Variants in ARHGEF7 observed in about 807,000 individuals in gnomAD.
ARHGEF7 encodes PAK-interacting exchange factor beta.
ARHGEF7 carries 33 observed loss-of-function variants against 109.8 expected under a neutral mutation model. That is an observed-to-expected ratio of 0.30 (90% CI 0.23 to 0.40). ARHGEF7 has a LOEUF of 0.40. Ranked by LOEUF, ARHGEF7 falls within the 10% of genes least tolerant of loss-of-function variation. ARHGEF7 has a pLI of 1.00. For missense variants in ARHGEF7, 938 were observed against 1,098.5 expected, an observed-to-expected ratio of 0.85 and a Z score of 2.07; for synonymous variants, 458 against 424.6, an observed-to-expected ratio of 1.08 and a Z score of -0.97.
rs527384552 is a variant in ARHGEF7, at chr13:111,304,479, T to C, written c.*1366T>C. The C allele has an allele frequency of 4.6e-5, 7 of 152,192 alleles. No homozygotes were observed. In the South Asian group the frequency reaches 1.5e-3, roughly 32 times the overall value. The allele number at this position is 152,192 out of a possible 1,614,324, so 9.4% of individuals were successfully genotyped here. A position where few individuals can be genotyped will look rare whatever the true frequency, so the allele number is the denominator to read the frequency against. ...AGTGTTCTATCTTTAAAAACCCAAA[T>C]TGCAGCACCGTGGATTACTGGTCTC... On this transcript the variant is annotated 3_prime_UTR_variant, in exon 22 of 22. Transcript: ENST00000646102.
intron 8 of ARHGEF7, among the ~76,000 whole-genome samples, chr13:111,257,030 T>G (rs1457216986): frequency 3.9e-5 from 6 of 152,222 alleles, no homozygotes; most frequent in Non-Finnish European, 8.8e-5. Flanking sequence ...TCCAAAGTTG[T>G]AATAATCTAC....
At chr13:111,274,645 A>G (rs1167406852) in intron 10 of ARHGEF7, 86 bp from the exon 11 acceptor site, 3 of 696,582 alleles carry the variant, frequency 4.3e-6, no homozygotes, top group Middle Eastern at 5.2e-4. Context: ...AAGTGTTAGA[A>G]AAGTTTCAAG....
chr13:111,221,493 A>ATATATATCTATATATATAGATATATATC (rs2084221670), intron 5 of ARHGEF7, among the ~76,000 whole-genome samples: 1 of 43,588 alleles, frequency 2.3e-5, no homozygotes, highest in Non-Finnish European at 4.7e-5. Flanking sequence ...ATATATAGAC[A>ATATATATCTATATATATAGATATATATC]TATATATATC....
At chr13:111,220,207 A>G (rs1003106479) in intron 5 of ARHGEF7, among the ~76,000 whole-genome samples, 3 of 152,204 alleles carry the variant, frequency 2.0e-5, no homozygotes, top group East Asian at 1.9e-4. Context: ...TGGACTTTCC[A>G]GGAGGACACT....
At chr13:111,146,172 G>A (rs955314781) in intron 1 of ARHGEF7, among the ~76,000 whole-genome samples, 3 of 152,192 alleles carry the variant, frequency 2.0e-5, no homozygotes, top group African/African-American at 7.2e-5. Flanking sequence ...GACCTGGGGT[G>A]ACCTTCATTC....
chr13:111,197,565 G>T (rs1275176826), intron 2 of ARHGEF7, among the ~76,000 whole-genome samples: 1 of 152,194 alleles, frequency 6.6e-6, no homozygotes, highest in Admixed American at 6.5e-5. Context: ...GAAGTGGAGG[G>T]CCATACCCTG....
chr13:111,195,745 G>A (rs1184589166), intron 2 of ARHGEF7, among the ~76,000 whole-genome samples: 2 of 152,192 alleles, frequency 1.3e-5, no homozygotes, highest in African/African-American at 4.8e-5. Context: ...CTTCTCGTTG[G>A]ACAGTCTTTT....
At chr13:111,265,360 A>T in intron 8 of ARHGEF7, 1 of 354,166 alleles carries the variant, frequency 2.8e-6, no homozygotes, top group Non-Finnish European at 5.6e-6. Context: ...GAAATGAATA[A>T]AAAATGGTTG....
In ARHGEF7 at chr13:111,243,902, G is replaced by A. The variant is rs2088288762; in HGVS notation, c.790G>A (p.Glu264Lys). The change falls in exon 7 of 22, where the codon GAA (glutamate) becomes AAA (lysine). Residue 264 changes from glutamate to lysine, a missense_variant. Physicochemically the swap from Glu to Lys is moderately conservative, Grantham distance 56. Around this residue, in one of 4 missense-constraint regions of ARHGEF7, gnomAD observed 585 missense variants for 723.6 expected, o/e 0.81. Transcript: ENST00000646102. Reference sequence around the variant, plus strand: ...ACAGAATATTTTAGAAACAGAAAATGAATATTCTAAAGAACTTCAGACTGT... The same window carrying A: ...ACAGAATATTTTAGAAACAGAAAATAAATATTCTAAAGAACTTCAGACTGT... ...VLQNILETEN[E>K]YSKELQTVLS... 1.1e-5 allele frequency: 18 copies of A among 1,611,622 alleles called. No homozygotes were observed. The highest frequency in any genetic ancestry group is 1.4e-5 in the Non-Finnish European group (17 of 1,178,268).
At chr13:111,227,843 G>T (rs1334706843) in intron 5 of ARHGEF7, among the ~76,000 whole-genome samples, 1 of 152,162 alleles carries the variant, frequency 6.6e-6, no homozygotes, top group African/African-American at 2.4e-5. Flanking sequence ...ATTTTGTTCC[G>T]TGAAGATTCA....
At chr13:111,241,787 A>C (rs1168961586) in intron 6 of ARHGEF7, among the ~76,000 whole-genome samples, 4 of 152,224 alleles carry the variant, frequency 2.6e-5, no homozygotes, top group African/African-American at 9.6e-5. Flanking sequence ...TCAGGTGTGC[A>C]GTGAGCAGTA....
At chr13:111,249,821 G>A (rs1035806896) in intron 8 of ARHGEF7, among the ~76,000 whole-genome samples, 3 of 152,124 alleles carry the variant, frequency 2.0e-5, no homozygotes, top group Non-Finnish European at 2.9e-5. Context: ...GGCACCTGGC[G>A]TATGGATGAG....
In ARHGEF7 at chr13:111,305,631, A is replaced by G. The variant is rs1289271255; in HGVS notation, c.*2518A>G. On this transcript the variant is annotated 3_prime_UTR_variant, in exon 22 of 22. Coordinates refer to ENST00000646102, the MANE Select transcript of ARHGEF7 (RefSeq NM_001354046.2). ...AGGGCGCCTGTTGACAAGTGTGGAG[A>G]AACTCCTAATTTAAATGTCACAGAC... The G allele has an allele frequency of 1.3e-5, 2 of 152,178 alleles. No individual in the cohort carries two copies. The highest frequency in any genetic ancestry group is 4.8e-5 in the African/African-American group (2 of 41,446). 9.4% of individuals were successfully genotyped at this position (152,178 alleles called of 1,614,324 possible).
At chr13:111,151,389 A>G (rs1363883703) in intron 1 of ARHGEF7, among the ~76,000 whole-genome samples, 1 of 152,224 alleles carries the variant, frequency 6.6e-6, no homozygotes, top group Non-Finnish European at 1.5e-5. Context: ...CTGGCTGAGA[A>G]GGGTTTAATA....
chr13:111,208,714 C>G (rs1206873256), intron 3 of ARHGEF7, among the ~76,000 whole-genome samples: 1 of 152,112 alleles, frequency 6.6e-6, no homozygotes, highest in Non-Finnish European at 1.5e-5. Flanking sequence ...AGAATGTGCT[C>G]TATAGAGATT....
chr13:111,233,773 C>T (rs749193450), intron 6 of ARHGEF7, among the ~76,000 whole-genome samples: 5 of 152,118 alleles, frequency 3.3e-5, no homozygotes, highest in South Asian at 2.1e-4. Context: ...CATGTCTAAA[C>T]GCTATACGTG....
intron 1 of ARHGEF7, among the ~76,000 whole-genome samples, chr13:111,144,952 G>A (rs1407190860): frequency 6.6e-6 from 1 of 151,986 alleles, no homozygotes; most frequent in African/African-American, 2.4e-5. Context: ...CTCTTTCCCC[G>A]TAGGGAACTC....
chr13:111,162,120 C>T (rs983459393), intron 2 of ARHGEF7, among the ~76,000 whole-genome samples: 7 of 152,220 alleles, frequency 4.6e-5, no homozygotes, highest in South Asian at 2.1e-4. Context: ...GAACTTTTGC[C>T]AGTAGCAGTA....
intron 2 of ARHGEF7, among the ~76,000 whole-genome samples, chr13:111,187,677 T>C (rs1193604138): frequency 6.6e-6 from 1 of 152,236 alleles, no homozygotes; most frequent in African/African-American, 2.4e-5. Flanking sequence ...GTGGAAGATA[T>C]TCCTGAATTT....
Sources: allele counts gnomAD v4.1 joint callset (sites outside exome capture counted in the v4.1 genomes callset), GRCh38; gene constraint gnomAD v4.1.1; regional missense constraint gnomAD v4.1.1; transcripts MANE v1.5; gene names NCBI Gene and HGNC (gene_info 2026-07-23, HGNC 2026-07-21).